The following MAP2 variants were observed in gnomAD, a reference collection of about 807,000 sequenced individuals.
MAP2 encodes the protein microtubule-associated protein 2.
In MAP2, 14 loss-of-function variants were observed where a neutral mutation model predicts 137.6. The ratio of observed to expected loss-of-function variants is 0.10; its 90% CI spans 0.07 to 0.16. The LOEUF (loss-of-function observed/expected upper bound fraction) is 0.16, where lower values mean the gene tolerates loss of function less well. Among genes scored for constraint, MAP2 ranks in the 10% least tolerant of loss-of-function variants. The pLI, the probability that MAP2 is intolerant of heterozygous loss-of-function variation, is 1.00. For missense variants in MAP2, 2,088 were observed against 2,191.5 expected, an observed-to-expected ratio of 0.95 and a Z score of 0.94; for synonymous variants, 786 against 782.3, an observed-to-expected ratio of 1.00 and a Z score of -0.08.
chr2:209,614,516 A>G (rs2088354038), intron 3 of MAP2, among the ~76,000 whole-genome samples: 1 of 152,160 alleles, frequency 6.6e-6, no homozygotes, highest in Non-Finnish European at 1.5e-5. Flanking sequence ...GCACTCAGGA[A>G]TATGGTTATA....
In MAP2 at chr2:209,695,933, C is replaced by T. The variant is rs2060066110; in HGVS notation, c.3763C>T (p.Leu1255Phe). The T allele has an allele frequency of 1.9e-6, 3 of 1,614,056 alleles. No homozygotes were observed. The highest frequency in any genetic ancestry group is 2.5e-6 in the Non-Finnish European group (3 of 1,179,994). Residue 1255 changes from leucine to phenylalanine, a missense_variant, in exon 8 of 16, where the codon CTT (leucine) becomes TTT (phenylalanine). This residue lies in a region of MAP2 where 591 missense variants were observed against 642.6 expected (regional missense o/e 0.92). Transcript: ENST00000682079. ...TAAACTGCTCTTCCGCTCAGACACC[C>T]TTCAGATAACTGACCTGGGTGTCTC... ...YDKLLFRSDTLQITDLGVSGA... is the reference protein window; with the variant it reads ...YDKLLFRSDTFQITDLGVSGA...
intron 1 of MAP2, among the ~76,000 whole-genome samples, chr2:209,505,971 C>CA (rs1051884405): frequency 2.1e-4 from 31 of 150,860 alleles, no homozygotes; most frequent in South Asian, 1.9e-3. Flanking sequence ...GACCCTGTCT[C>CA]AAAAAAAAGA....
chr2:209,665,638 C>T (rs574499058), intron 5 of MAP2, among the ~76,000 whole-genome samples: 1 of 152,186 alleles, frequency 6.6e-6, no homozygotes, highest in East Asian at 1.9e-4. Flanking sequence ...TTTTGAAGAC[C>T]AAATGTCACC....
intron 11 of MAP2, chr2:209,704,152 G>A: frequency 4.7e-6 from 2 of 423,992 alleles, no homozygotes; most frequent in Non-Finnish European, 9.2e-6. Context: ...GTCTATTGTT[G>A]CCATCTTTAT....
At chr2:209,591,188 G>C (rs2079138981) in intron 3 of MAP2, among the ~76,000 whole-genome samples, 1 of 152,168 alleles carries the variant, frequency 6.6e-6, no homozygotes. Context: ...ACCCAGGTCT[G>C]TCTGGCCCAA....
Position 209,693,814 on chromosome 2 carries a change from A to G in MAP2, c.1644A>G (p.Glu548=), listed in dbSNP as rs1261113030. The change falls in exon 8 of 16, where the codon GAA becomes GAG. Residue 548 remains glutamate (E), a synonymous_variant. Transcript: ENST00000682079. ...EMRVDDKDKI[E]GVGAATSAEL... is the part of the protein sequence containing the mutation. ...GAGTTGATGACAAAGATAAGATTGA[A>G]GGAGTTGGAGCTGCAACATCAGCTG... The G allele has an allele frequency of 6.2e-7, 1 of 1,614,138 alleles. No individual in the cohort carries two copies. Among genetic ancestry groups the G allele is most frequent in the East Asian group, 2.2e-5 (1 of 44,872 alleles).
At chr2:209,701,839 G>T (rs2153736756) in intron 11 of MAP2, among the ~76,000 whole-genome samples, 1 of 152,088 alleles carries the variant, frequency 6.6e-6, no homozygotes, top group South Asian at 2.1e-4. Context: ...CCAAATTAAT[G>T]ATGTATGGTG....
chr2:209,697,658 A>G (rs768269698), intron 10 of MAP2, among the ~76,000 whole-genome samples: 6 of 152,218 alleles, frequency 3.9e-5, no homozygotes, highest in Non-Finnish European at 8.8e-5. Context: ...ATCCAAAATT[A>G]ACAAGATTTT....
chr2:209,570,786 G>T (rs898375143), intron 2 of MAP2, among the ~76,000 whole-genome samples: 4 of 151,900 alleles, frequency 2.6e-5, no homozygotes, highest in Non-Finnish European at 5.9e-5. Flanking sequence ...TGGAAGAGAA[G>T]AAATCAGTGA....
chr2:209,592,761 C>A (rs1295033966), intron 3 of MAP2, among the ~76,000 whole-genome samples: 2 of 152,020 alleles, frequency 1.3e-5, no homozygotes, highest in Non-Finnish European at 2.9e-5. Context: ...GGTCTTTTTT[C>A]ATTTAACCTA....
intron 1 of MAP2, among the ~76,000 whole-genome samples, chr2:209,496,954 A>C (rs2059820055): frequency 6.6e-6 from 1 of 152,060 alleles, no homozygotes; most frequent in African/African-American, 2.4e-5. Context: ...TAATTTAAAA[A>C]AAAAAATTGT....
chr2:209,475,763 C>G (rs1193690955), intron 1 of MAP2, among the ~76,000 whole-genome samples: 1 of 152,074 alleles, frequency 6.6e-6, no homozygotes, highest in Non-Finnish European at 1.5e-5. Flanking sequence ...AACTTTAACA[C>G]TATGTAATTA....
At chr2:209,658,910 G>T (rs1390785996) in intron 5 of MAP2, among the ~76,000 whole-genome samples, 2 of 152,170 alleles carry the variant, frequency 1.3e-5, no homozygotes, top group Non-Finnish European at 2.9e-5. Flanking sequence ...GTGTAGAATT[G>T]CAAGCTGCCA....
intron 3 of MAP2, among the ~76,000 whole-genome samples, chr2:209,594,369 G>C (rs1256193741): frequency 6.6e-6 from 1 of 152,096 alleles, no homozygotes; most frequent in Admixed American, 6.6e-5. Flanking sequence ...AGAAGAAGAA[G>C]GGTCTCAAAT....
At chr2:209,673,699 G>T (rs2049941682) in intron 5 of MAP2, among the ~76,000 whole-genome samples, 2 of 151,652 alleles carry the variant, frequency 1.3e-5, no homozygotes, top group African/African-American at 2.4e-5. Flanking sequence ...TACATATAAT[G>T]AATAATAATT....
intron 14 of MAP2, 46 bp from the exon 15 acceptor site, chr2:209,729,802 ACC>A (rs1451613389): frequency 7.7e-7 from 1 of 1,298,302 alleles, no homozygotes; most frequent in Non-Finnish European, 1.1e-6. Flanking sequence ...GGAAATAGTT[ACC>A]ACGAATGCAA....
At chr2:209,588,717 A>G (rs1025832614) in intron 3 of MAP2, among the ~76,000 whole-genome samples, 2 of 152,130 alleles carry the variant, frequency 1.3e-5, no homozygotes, top group Admixed American at 6.6e-5. Flanking sequence ...CTTCTGACAT[A>G]GTGCCCAAGA....
At chr2:209,683,085 T>C (rs933821969) in intron 7 of MAP2, among the ~76,000 whole-genome samples, 1 of 152,142 alleles carries the variant, frequency 6.6e-6, no homozygotes, top group Non-Finnish European at 1.5e-5. Context: ...AGTCCTCCCA[T>C]CCATCTGGGA....
At chr2:209,468,854 G>T (rs953436129) in intron 1 of MAP2, among the ~76,000 whole-genome samples, 2 of 152,090 alleles carry the variant, frequency 1.3e-5, no homozygotes, top group Non-Finnish European at 2.9e-5. Context: ...GAAACAGGAG[G>T]CAGAGGCACA....
Sources: allele counts gnomAD v4.1 joint callset (sites outside exome capture counted in the v4.1 genomes callset), GRCh38; gene constraint gnomAD v4.1.1; regional missense constraint gnomAD v4.1.1; transcripts MANE v1.5; gene names NCBI Gene and HGNC (gene_info 2026-07-23, HGNC 2026-07-21).